Variants in SCEL observed in about 807,000 individuals in gnomAD.
SCEL encodes sciellin.
SCEL carries 113 observed loss-of-function variants against 117.6 expected under a neutral mutation model. The ratio of observed to expected loss-of-function variants is 0.96; its 90% confidence interval spans 0.83 to 1.12. The LOEUF is 1.12. Ranked by LOEUF, SCEL falls within the 50% of genes most tolerant of loss-of-function variation. The pLI is 0.00. For synonymous variants in SCEL, 270 were observed against 256.2 expected (o/e 1.05, Z -0.51); for missense variants, 785 against 810.8 (o/e 0.97, Z 0.39).
intron 20 of SCEL, 146 bp from the exon 21 acceptor site, chr13:77,608,912 T>G: frequency 1.6e-6 from 1 of 628,782 alleles, no homozygotes. Flanking sequence ...ATTTTAGTCT[T>G]TTAAATTAAG....
intron 1 of SCEL, among the ~76,000 whole-genome samples, chr13:77,541,756 T>G (rs1273424130): frequency 1.3e-5 from 2 of 152,244 alleles, no homozygotes; most frequent in Non-Finnish European, 2.9e-5. Context: ...ATTTTATATA[T>G]GCTTTCTTGT....
At chr13:77,602,848 G>T (rs1445498024) in intron 17 of SCEL, 135 bp downstream of exon 17, 3 of 724,316 alleles carry the variant, frequency 4.1e-6, no homozygotes, top group Non-Finnish European at 6.9e-6. Context: ...TCACTTCAAA[G>T]AATCTACAGT....
rs368732857 is a variant in SCEL, at chr13:77,564,662, T to C, written c.290+763T>C. Among the ~76,000 whole-genome samples, 211 of 152,336 alleles carry C rather than the reference T, an allele frequency of 1.4e-3. 1 individual carries two copies. The highest frequency in any genetic ancestry group is 7.0e-3 in the South Asian group (34 of 4,826). Reference sequence around the variant, plus strand: ...CATAAGTACCCAAAGCCAGTGCTAGTTGAGTTTACTCCCTGCAGCTAAAGA... The same window carrying C: ...CATAAGTACCCAAAGCCAGTGCTAGCTGAGTTTACTCCCTGCAGCTAAAGA... On this transcript the variant is annotated intron_variant, in intron 5 of 32. Transcript: ENST00000349847.
At chr13:77,631,097 G>A (rs115119776) in intron 28 of SCEL, among the ~76,000 whole-genome samples, 3,185 of 152,182 alleles carry the variant, frequency 0.021, 95 homozygotes, top group African/African-American at 0.073. Flanking sequence ...TACCTTGACT[G>A]TATAAGGAGC....
At chr13:77,574,903 G>A (rs527662125) in intron 9 of SCEL, among the ~76,000 whole-genome samples, 4 of 151,798 alleles carry the variant, frequency 2.6e-5, no homozygotes, top group Admixed American at 6.6e-5. Context: ...GAATTTTCTC[G>A]TAAGACTGAC....
At chr13:77,591,700 T>A (rs1451290417) in intron 11 of SCEL, among the ~76,000 whole-genome samples, 1 of 152,178 alleles carries the variant, frequency 6.6e-6, no homozygotes, top group East Asian at 1.9e-4. Flanking sequence ...CAGGATAAGA[T>A]CAAACCCACT....
intron 30 of SCEL, among the ~76,000 whole-genome samples, chr13:77,640,303 G>T: frequency 6.6e-6 from 1 of 152,072 alleles, no homozygotes; most frequent in Non-Finnish European, 1.5e-5. Context: ...TAATTTTTCC[G>T]TGTAATCTGT....
intron 19 of SCEL, 56 bp downstream of exon 19, chr13:77,604,471 A>G: frequency 7.2e-7 from 1 of 1,383,062 alleles, no homozygotes; most frequent in Non-Finnish European, 9.8e-7. Context: ...AGGACGTTAG[A>G]ATTCTGAGTG....
At chr13:77,643,352 C>A (rs1440349929) in intron 32 of SCEL, among the ~76,000 whole-genome samples, 2 of 152,032 alleles carry the variant, frequency 1.3e-5, no homozygotes. Context: ...TATTGAGGAC[C>A]TGTGTTTTTA....
At chr13:77,565,754 A>C (rs1444233356) in intron 5 of SCEL, among the ~76,000 whole-genome samples, 1 of 152,150 alleles carries the variant, frequency 6.6e-6, no homozygotes, top group Non-Finnish European at 1.5e-5. Context: ...AAATATACTT[A>C]TGTGTGTAAA....
intron 9 of SCEL, among the ~76,000 whole-genome samples, chr13:77,582,669 T>C (rs2086328115): frequency 6.6e-6 from 1 of 152,256 alleles, no homozygotes; most frequent in Admixed American, 6.5e-5. Context: ...AGTGTGTGGC[T>C]TGTTTTTCAA....
chr13:77,634,026 A>G (rs2090156627), intron 28 of SCEL, among the ~76,000 whole-genome samples: 1 of 152,226 alleles, frequency 6.6e-6, no homozygotes, highest in Admixed American at 6.5e-5. Context: ...TTTGAGGTTT[A>G]TGAAGAAAGT....
chr13:77,594,648 A>T (rs17068039), intron 12 of SCEL, among the ~76,000 whole-genome samples: 1 of 152,134 alleles, frequency 6.6e-6, no homozygotes, highest in African/African-American at 2.4e-5. Context: ...TATCATCTCT[A>T]TAGTCTCTCA....
chr13:77,610,549 CAAGCACTTACCGAAGGCT>C (rs2088578963), intron 22 of SCEL, among the ~76,000 whole-genome samples: 1 of 151,932 alleles, frequency 6.6e-6, no homozygotes, highest in South Asian at 2.1e-4. Flanking sequence ...ATCTAGTGTT[CAAGCACTTACCGAAGGCT>C]CTCTGGCCAC....
intron 12 of SCEL, among the ~76,000 whole-genome samples, chr13:77,594,323 G>A (rs2087096926): frequency 6.6e-6 from 1 of 152,134 alleles, no homozygotes; most frequent in Non-Finnish European, 1.5e-5. Flanking sequence ...AGTTATTTCT[G>A]TTTTCACTCC....
intron 18 of SCEL, 60 bp downstream of exon 18, chr13:77,603,195 T>A: frequency 8.9e-7 from 1 of 1,128,334 alleles, no homozygotes; most frequent in Non-Finnish European, 1.3e-6. Flanking sequence ...GAAGATAAAA[T>A]AATTTGGCTT....
chr13:77,611,920 C>G (rs986362042), intron 22 of SCEL, among the ~76,000 whole-genome samples: 1 of 152,050 alleles, frequency 6.6e-6, no homozygotes, highest in Non-Finnish European at 1.5e-5. Flanking sequence ...TGTTAAATCC[C>G]CATAGCACTA....
At chr13:77,545,094 C>T (rs757104046) in intron 1 of SCEL, among the ~76,000 whole-genome samples, 3 of 152,210 alleles carry the variant, frequency 2.0e-5, no homozygotes, top group East Asian at 1.9e-4. Flanking sequence ...AGAGAGACAG[C>T]GTTCACACAT....
chr13:77,598,864 T>C (rs1201345383), intron 13 of SCEL, among the ~76,000 whole-genome samples: 1 of 152,110 alleles, frequency 6.6e-6, no homozygotes, highest in Non-Finnish European at 1.5e-5. Context: ...AATTTTTTTG[T>C]AGAGATGGGG....
Sources: gnomAD v4.1 joint callset for allele counts (sites outside exome capture counted in the v4.1 genomes callset) on GRCh38, gnomAD v4.1.1 for gene constraint, MANE v1.5 for transcripts, NCBI Gene and HGNC (gene_info 2026-07-23, HGNC 2026-07-21) for gene names.